Variants in HIPK2 observed in about 807,000 individuals in gnomAD.
The protein encoded by HIPK2 is homeodomain interacting protein kinase 2, also known as homeodomain-interacting protein kinase 2.
Under a neutral mutation model 113.7 loss-of-function variants are expected in HIPK2, and 27 were observed. The ratio of observed to expected loss-of-function variants is 0.24; its 90% CI spans 0.17 to 0.33. The LOEUF (loss-of-function observed/expected upper bound fraction) is 0.33, where lower values mean the gene tolerates loss of function less well. Among genes scored for constraint, HIPK2 ranks in the 10% least tolerant of loss-of-function variants. HIPK2 has a pLI of 1.00. For synonymous variants in HIPK2, 631 were observed against 642.2 expected (o/e 0.98, Z 0.26); for missense variants, 1,257 against 1,588.0 (o/e 0.79, Z 3.54).
intron 1 of HIPK2, among the ~76,000 whole-genome samples, chr7:139,735,722 C>G (rs966476997): frequency 5.3e-5 from 8 of 152,154 alleles, no homozygotes; most frequent in Admixed American, 2.6e-4. Context: ...GTCAGCGACC[C>G]CTTTACACAC....
intron 1 of HIPK2, among the ~76,000 whole-genome samples, chr7:139,771,270 T>C (rs1796644518): frequency 6.6e-6 from 1 of 152,064 alleles, no homozygotes; most frequent in South Asian, 2.1e-4. Flanking sequence ...TTCTTTCAAG[T>C]GTAGTTCAAG....
Position 139,714,926 on chromosome 7 carries a change from G to A in HIPK2, c.1103+1006C>T, listed in dbSNP as rs1222481271. On this transcript the variant is annotated intron_variant, in intron 2 of 14. Transcript: ENST00000406875. The surrounding 1 kb of genome is among the most constrained non-coding windows in gnomAD (Gnocchi z 4.2). ...GCCATGTTACCTCCCAGCTGCCCAC[G>A]AGGCTGGTGAGAGGATTTCTCCCAC... 6.6e-6 allele frequency among the ~76,000 whole-genome samples: 1 copy of A among 152,168 alleles called. No homozygotes were observed. The highest frequency in any genetic ancestry group is 1.9e-4 in the East Asian group (1 of 5,180).
At chr7:139,732,764 ATATAT>A (rs746540921) in intron 1 of HIPK2, among the ~76,000 whole-genome samples, 25 of 148,448 alleles carry the variant, frequency 1.7e-4, no homozygotes, top group East Asian at 9.7e-4. Flanking sequence ...TATATATAAC[ATATAT>A]TATATATGAC....
At chr7:139,754,753 G>A (rs2117120506) in intron 1 of HIPK2, among the ~76,000 whole-genome samples, 1 of 152,274 alleles carries the variant, frequency 6.6e-6, no homozygotes, top group South Asian at 2.1e-4. Flanking sequence ...CTGTCACACA[G>A]CAGCCTCCGT....
At chr7:139,596,481 C>T (rs1325207455) in intron 12 of HIPK2, among the ~76,000 whole-genome samples, 1 of 152,186 alleles carries the variant, frequency 6.6e-6, no homozygotes, top group Non-Finnish European at 1.5e-5. Flanking sequence ...ATGTATAGGG[C>T]CTATAATTAT....
At position 139,683,952 on chromosome 7, in the gene HIPK2, C is replaced by A. The variant is rs928132085; in HGVS notation, c.1103+31980G>T. 7.7e-6 allele frequency among the ~76,000 whole-genome samples: 1 copy of A among 130,152 alleles called. No homozygotes were observed. The highest frequency in any genetic ancestry group is 2.6e-5 in the African/African-American group (1 of 37,742). 85.4% of individuals were successfully genotyped at this position (130,152 alleles called of 152,430 possible). On this transcript the variant is annotated intron_variant, in intron 2 of 14. Transcript: ENST00000406875. This position sits in a 1 kb window ranked among gnomAD's most constrained non-coding sequence, Gnocchi z 4.2. ...CTAGCTTGACTGAGCTTTGCAGATA[C>A]CATGATTTTTTTTTTTTACACAAAT...
Position 139,631,677 on chromosome 7 carries a change from C to A in HIPK2, c.1152G>T (p.Met384Ile), listed in dbSNP as rs1366646394. 6.2e-7 allele frequency: 1 copy of A among 1,614,010 alleles called. No individual in the cohort carries two copies. Among genetic ancestry groups the A allele is most frequent in the Admixed American group, 1.7e-5 (1 of 60,024 alleles). The change falls in exon 3 of 15, where the codon ATG becomes ATT. Residue 384 changes from methionine (M) to isoleucine (I), a missense_variant. Met to Ile is a conservative substitution (Grantham distance 10). Coordinates refer to ENST00000406875, the MANE Select transcript of HIPK2 (RefSeq NM_022740.5). This position sits in a 1 kb window ranked among gnomAD's most constrained non-coding sequence, Gnocchi z 4.9. Reference protein sequence around the residue: ...LGLPFCEAIDMWSLGCVIAEL... With the variant: ...LGLPFCEAIDIWSLGCVIAEL... ...CTGCAATAACACAGCCCAGGGACCA[C>A]ATGTCAATTGCCTCACAAAATGGTA...
intron 12 of HIPK2, among the ~76,000 whole-genome samples, chr7:139,589,570 A>C (rs758377434): frequency 6.6e-6 from 1 of 152,236 alleles, no homozygotes; most frequent in Non-Finnish European, 1.5e-5. Context: ...TCTAACAACT[A>C]GAACTATCTC....
intron 1 of HIPK2, among the ~76,000 whole-genome samples, chr7:139,770,643 C>T (rs979607736): frequency 6.6e-6 from 1 of 152,208 alleles, no homozygotes; most frequent in Non-Finnish European, 1.5e-5. Context: ...TGGACAGAAC[C>T]ACCTGGAGGA....
At chr7:139,656,148 T>C (rs1801661690) in intron 2 of HIPK2, among the ~76,000 whole-genome samples, 1 of 133,202 alleles carries the variant, frequency 7.5e-6, no homozygotes, top group Non-Finnish European at 1.6e-5. Flanking sequence ...TCCACCTCCA[T>C]GGTGAACTCA....
At position 139,564,411 on chromosome 7, in the gene HIPK2, A is replaced by G. The variant is rs913875431; in HGVS notation, c.*8516T>C. The G allele has an allele frequency of 1.3e-5, 2 of 153,088 alleles. No homozygotes were observed. Among genetic ancestry groups the G allele is most frequent in the African/African-American group, 2.4e-5 (1 of 41,492 alleles). The allele number at this position is 153,088 out of a possible 1,614,324, so 9.5% of individuals were successfully genotyped here. On this transcript the variant is annotated 3_prime_UTR_variant, in exon 15 of 15. Transcript: ENST00000406875. ...ATCTATTAATAAGTTAAATATTCAAATCAAGACAAAAATCAATGAACCAGG... is the reference window on the plus strand; with the variant it reads ...ATCTATTAATAAGTTAAATATTCAAGTCAAGACAAAAATCAATGAACCAGG...
chr7:139,757,331 T>C (rs963113862), intron 1 of HIPK2, among the ~76,000 whole-genome samples: 6 of 152,196 alleles, frequency 3.9e-5, no homozygotes, highest in African/African-American at 1.4e-4. Context: ...CTTTAAAATG[T>C]AGAGGTGGCC....
intron 2 of HIPK2, among the ~76,000 whole-genome samples, chr7:139,712,320 G>A (rs977781487): frequency 1.6e-4 from 24 of 152,196 alleles, no homozygotes; most frequent in African/African-American, 5.3e-4. Flanking sequence ...AGTCCCCAAG[G>A]CGAGGATAAC....
Position 139,714,123 on chromosome 7 carries a change from G to A in HIPK2, c.1103+1809C>T, listed in dbSNP as rs763849639. Among the ~76,000 whole-genome samples, 4 of 152,298 alleles carry A rather than the reference G, an allele frequency of 2.6e-5. No homozygotes were observed. The highest frequency in any genetic ancestry group is 3.4e-3 in the Middle Eastern group (1 of 294). ...GGGGCAGCAGTAGACCCGTCTGTCC[G>A]CACGGGGCCTGGTGGTGAAAGCACA... On this transcript the variant is annotated intron_variant, in intron 2 of 14. Coordinates refer to ENST00000406875, the MANE Select transcript of HIPK2 (RefSeq NM_022740.5). The surrounding 1 kb of genome is among the most constrained non-coding windows in gnomAD (Gnocchi z 4.2).
chr7:139,777,977 C>T lies in HIPK2; in HGVS notation c.-354G>A, dbSNP rs1796822328. The stretch of plus-strand genomic sequence containing the variant: ...AGCCGGGGGCAGCGCGCGGCCAGGG[C>T]CGGCGGGGCTCAGCTCAGCATGGCT... On this transcript the variant is annotated 5_prime_UTR_variant, in exon 1 of 15. Coordinates refer to ENST00000406875, the MANE Select transcript of HIPK2 (RefSeq NM_022740.5). Among the ~76,000 whole-genome samples the T allele has an allele frequency of 7.0e-6, 1 of 142,222 alleles. No homozygotes were observed. The highest frequency in any genetic ancestry group is 2.2e-4 in the South Asian group (1 of 4,542). 93.3% of individuals were successfully genotyped at this position (142,222 alleles called of 152,430 possible).
chr7:139,652,047 T>C (rs750976690), intron 2 of HIPK2, among the ~76,000 whole-genome samples: 1 of 152,204 alleles, frequency 6.6e-6, no homozygotes, highest in Non-Finnish European at 1.5e-5. Flanking sequence ...TACAATAATA[T>C]ACCCTTTATT....
At chr7:139,711,692 T>C (rs1419317197) in intron 2 of HIPK2, among the ~76,000 whole-genome samples, 2 of 152,104 alleles carry the variant, frequency 1.3e-5, no homozygotes, top group Non-Finnish European at 2.9e-5. Context: ...ATTTGTAGTT[T>C]ACTGGTTCTG....
rs548734631 is a variant in HIPK2, at chr7:139,777,618, G to A, written c.6C>T (p.Ala2=). 10,960 of 1,077,688 alleles carry A rather than the reference G, an allele frequency of 0.01. 67 individuals are homozygous for A. The highest frequency in any genetic ancestry group is 0.011 in the Non-Finnish European group (9,927 of 887,526). 66.8% of individuals were successfully genotyped at this position (1,077,688 alleles called of 1,614,324 possible). Residue 2 remains alanine, a synonymous_variant, in exon 1 of 15, where the codon GCC becomes GCT. Transcript: ENST00000406875. M[A]PVYEGMASHV... ...GGCGCCCCTTACCTTCGTACACGGG[G>A]GCCATCGGGGCCGGGGTGTCCGCGG...
At chr7:139,650,727 C>T (rs1374839032) in intron 2 of HIPK2, among the ~76,000 whole-genome samples, 1 of 152,218 alleles carries the variant, frequency 6.6e-6, no homozygotes, top group African/African-American at 2.4e-5. Context: ...TTTTGCTCTG[C>T]CTTGAATCAC....
Sources: gnomAD v4.1 joint callset for allele counts (sites outside exome capture counted in the v4.1 genomes callset) on GRCh38, gnomAD v4.1.1 for gene constraint, Gnocchi (gnomAD v3.1) non-coding constraint, MANE v1.5 for transcripts, NCBI Gene and HGNC (gene_info 2026-07-23, HGNC 2026-07-21) for gene names.